Variants in OR1J2 observed in about 807,000 individuals in gnomAD.
The protein encoded by OR1J2 is olfactory receptor 1J2.
For missense variants in OR1J2, 304 were observed against 246.1 expected, an observed-to-expected ratio of 1.24 and a Z score of -1.57; for synonymous variants, 142 against 99.7, an observed-to-expected ratio of 1.42 and a Z score of -2.52.
chr9:122,480,544 C>T, the OR1J2 span, among the ~76,000 whole-genome samples: 1 of 135,292 alleles, frequency 7.4e-6, no homozygotes. Context: ...TATTTCATCA[C>T]CCAGGTATTT....
chr9:122,450,482 CAT>C, the OR1J2 span, among the ~76,000 whole-genome samples: 9 of 152,160 alleles, frequency 5.9e-5, no homozygotes, highest in Admixed American at 3.3e-4. Flanking sequence ...AAATAATAAA[CAT>C]ATATATTTGT....
chr9:122,448,468 G>A, the OR1J2 span, among the ~76,000 whole-genome samples: 2 of 152,130 alleles, frequency 1.3e-5, no homozygotes, highest in East Asian at 1.9e-4. Context: ...ACTGCAAGAG[G>A]CCTTCCTCTT....
chr9:122,538,172 G>A, the OR1J2 span, among the ~76,000 whole-genome samples: 1 of 110,778 alleles, frequency 9.0e-6, no homozygotes, highest in Admixed American at 1.2e-4. Context: ...GCCCCTGCCT[G>A]GTACAAGTTC....
chr9:122,573,847 TG>T, the OR1J2 span, among the ~76,000 whole-genome samples: 1 of 152,236 alleles, frequency 6.6e-6, no homozygotes, highest in Admixed American at 6.5e-5. Context: ...TTTTCTCTTA[TG>T]TTATCCTCTA....
chr9:122,549,741 C>CATTAGAAAA, the OR1J2 span, among the ~76,000 whole-genome samples: 1 of 151,988 alleles, frequency 6.6e-6, no homozygotes, highest in East Asian at 1.9e-4. Flanking sequence ...TATACTAGTA[C>CATTAGAAAA]CATGTTGTTT....
chr9:122,489,334 T>C, the OR1J2 span, among the ~76,000 whole-genome samples: 11 of 151,944 alleles, frequency 7.2e-5, no homozygotes, highest in Admixed American at 3.9e-4. Context: ...ACCACCAGAC[T>C]GGAAAGCAAC....
the OR1J2 span, among the ~76,000 whole-genome samples, chr9:122,457,926 A>G: frequency 6.6e-6 from 1 of 152,190 alleles, no homozygotes; most frequent in Non-Finnish European, 1.5e-5. Context: ...TGTTGTTTTC[A>G]TACATTTTTA....
At chr9:122,573,182 C>T in the OR1J2 span, among the ~76,000 whole-genome samples, 1 of 152,170 alleles carries the variant, frequency 6.6e-6, no homozygotes, top group Non-Finnish European at 1.5e-5. Flanking sequence ...TGTGCTGACC[C>T]CTCAGGGGAG....
At position 122,511,294 on chromosome 9, in the gene OR1J2, C is replaced by A; in HGVS notation, c.493C>A (p.Arg165=). ...SSLSHTLLLT[R]LSFCAANTIP... is the part of the protein sequence containing the mutation. ...CCTCTCTCACACCCTTCTCCTGACC[C>A]GGCTGTCTTTCTGTGCTGCGAACAC... The change falls in exon 1 of 1, where the codon CGG becomes AGG. Residue 165 remains arginine (R), a synonymous_variant. Transcript: ENST00000335302. 1.4e-6 allele frequency: 1 copy of A among 735,362 alleles called. No individual in the cohort carries two copies. Among genetic ancestry groups the A allele is most frequent in the Non-Finnish European group, 2.5e-6 (1 of 398,412 alleles). 45.6% of individuals were successfully genotyped at this position (735,362 alleles called of 1,614,324 possible).
the OR1J2 span, among the ~76,000 whole-genome samples, chr9:122,576,205 T>A: frequency 6.6e-5 from 10 of 151,882 alleles, no homozygotes; most frequent in Non-Finnish European, 8.8e-5. Flanking sequence ...TGTCTACATG[T>A]AACATTTTCT....
chr9:122,455,603 G>A, the OR1J2 span, among the ~76,000 whole-genome samples: 6 of 152,000 alleles, frequency 3.9e-5, no homozygotes, highest in Non-Finnish European at 7.4e-5. Context: ...ATAAGATATC[G>A]ATATCCTTAT....
the OR1J2 span, among the ~76,000 whole-genome samples, chr9:122,560,229 C>T: frequency 5.3e-5 from 8 of 152,086 alleles, no homozygotes; most frequent in Non-Finnish European, 1.2e-4. Context: ...TTTCTTTGCA[C>T]GTGAGATGGA....
At chr9:122,457,750 T>C in the OR1J2 span, among the ~76,000 whole-genome samples, 1 of 152,062 alleles carries the variant, frequency 6.6e-6, no homozygotes, top group African/African-American at 2.4e-5. Flanking sequence ...AATAAAGGGA[T>C]GGGAATTAGA....
the OR1J2 span, among the ~76,000 whole-genome samples, chr9:122,463,550 T>C: frequency 1.3e-5 from 2 of 152,206 alleles, no homozygotes; most frequent in Non-Finnish European, 2.9e-5. Flanking sequence ...CTCATTTGGG[T>C]AGACTATGTC....
At chr9:122,565,923 A>C in the OR1J2 span, among the ~76,000 whole-genome samples, 1 of 152,218 alleles carries the variant, frequency 6.6e-6, no homozygotes, top group Non-Finnish European at 1.5e-5. Context: ...GGCTTGGAGT[A>C]AAGTAGGTGG....
the OR1J2 span, chr9:122,519,974 C>T: frequency 1.2e-6 from 2 of 1,614,096 alleles, no homozygotes; most frequent in East Asian, 2.2e-5. Context: ...CTGTGATGTA[C>T]ACGGTGATCA....
chr9:122,536,594 T>G, the OR1J2 span, among the ~76,000 whole-genome samples: 1 of 152,216 alleles, frequency 6.6e-6, no homozygotes, highest in Admixed American at 6.5e-5. Flanking sequence ...TTCCCTTTTC[T>G]TTACATTTGC....
chr9:122,509,512 T>C (rs942369112), upstream of OR1J2, among the ~76,000 whole-genome samples: 1 of 152,200 alleles, frequency 6.6e-6, no homozygotes, highest in Non-Finnish European at 1.5e-5. Context: ...GTAAATAAAT[T>C]TCCCTAAAGT....
chr9:122,487,738 T>C, the OR1J2 span, among the ~76,000 whole-genome samples: 1 of 152,240 alleles, frequency 6.6e-6, no homozygotes, highest in East Asian at 1.9e-4. Context: ...AGGGGACTGG[T>C]GCCAGAAGTC....
Sources: allele counts gnomAD v4.1 joint callset (sites outside exome capture counted in the v4.1 genomes callset), GRCh38; gene constraint gnomAD v4.1.1; transcripts MANE v1.5; gene names NCBI Gene and HGNC (gene_info 2026-07-23, HGNC 2026-07-21).